Variants in RPL13 observed in about 807,000 individuals in gnomAD.
The protein encoded by RPL13 is large ribosomal subunit protein eL13.
Under a neutral mutation model 21.4 loss-of-function variants are expected in RPL13, and 1 was observed. The observed-to-expected ratio is 0.05, with a 90% confidence interval of 0.02 to 0.22. RPL13 has a LOEUF of 0.22. RPL13 is among the 10% of genes least tolerant of loss of function. RPL13 has a pLI of 1.00. For missense variants in RPL13, 289 were observed against 303.0 expected (o/e 0.95, Z 0.34); for synonymous variants, 143 against 120.5 (o/e 1.19, Z -1.23).
chr16:89,561,888 C>G, intron 4 of RPL13, 137 bp downstream of exon 4: 1 of 959,442 alleles, frequency 1.0e-6, no homozygotes, highest in Non-Finnish European at 1.5e-6. Context: ...AGCGGGACTG[C>G]TAAGGTTCAC....
intron 5 of RPL13, 83 bp downstream of exon 5, chr16:89,562,474 G>C: frequency 5.1e-6 from 7 of 1,368,188 alleles, no homozygotes; most frequent in Non-Finnish European, 6.1e-6. Flanking sequence ...GGTGATGGGG[G>C]TCAGGCTTAA....
At chr16:89,561,950 T>C (rs1277872749) in intron 4 of RPL13, 199 bp downstream of exon 4, 11 of 657,046 alleles carry the variant, frequency 1.7e-5, no homozygotes, top group Non-Finnish European at 1.5e-5. Flanking sequence ...GCTGTGTGAC[T>C]TGGAGGCAGC....
Position 89,560,752 on chromosome 16 carries a change from C to A in RPL13, c.-21+40C>A, listed in dbSNP as rs892503453. 4 of 521,326 alleles carry A rather than the reference C, an allele frequency of 7.7e-6. No homozygotes were observed. In the East Asian group the frequency reaches 1.4e-4, roughly 18 times the overall value. The allele number at this position is 521,326 out of a possible 1,614,324, so 32.3% of individuals were successfully genotyped here. A position where few individuals can be genotyped will look rare whatever the true frequency, so the allele number is the denominator to read the frequency against. ...GTCCTGGCCTTTGGGCATCATCCAG[C>A]GCCATCGGCCTGGCGCTTCAGCCAA... is the stretch of plus-strand genomic sequence containing the variant. On this transcript the variant is annotated intron_variant, in intron 1 of 5. Transcript: ENST00000311528.
intron 1 of RPL13, 70 bp from the exon 2 acceptor site, chr16:89,560,870 C>T (rs1484501597): frequency 1.3e-5 from 15 of 1,177,130 alleles, no homozygotes; most frequent in Non-Finnish European, 1.7e-5. Flanking sequence ...CTGGAGGGTT[C>T]GGGGCGGAGG....
rs2058739621 is a variant in RPL13, at chr16:89,561,048, C to T, written c.89C>T (p.Ala30Val). ...RRVATWFNQP[A>V]RKIRRRKARQ... ...GTGGCCACGTGGTTCAACCAGCCGG[C>T]CCGTAAGATCCGCAGGTGAGCCCTG... is the stretch of plus-strand genomic sequence containing the variant. Residue 30 changes from alanine (A) to valine (V), a missense_variant, in exon 2 of 6, where the codon GCC (alanine) becomes GTC (valine). Physicochemically the swap from Ala to Val is moderately conservative, Grantham distance 64. Coordinates refer to ENST00000311528, the MANE Select transcript of RPL13 (RefSeq NM_000977.4). The T allele has an allele frequency of 1.2e-6, 2 of 1,606,720 alleles. No homozygotes were observed. The highest frequency in any genetic ancestry group is 1.7e-6 in the Non-Finnish European group (2 of 1,177,994).
rs1183887002 is a variant in RPL13, at chr16:89,561,612, T to C, written c.281T>C (p.Ile94Thr). ...AGIHKKVART[I>T]GISVDPRRRN... The stretch of plus-strand genomic sequence containing the variant: ...ATTCACAAGAAGGTGGCCCGGACCA[T>C]CGGCATTTCTGTGGATCCGAGGAGG... The change falls in exon 4 of 6, where the codon ATC (isoleucine) becomes ACC (threonine). Residue 94 changes from isoleucine to threonine, a missense_variant. Physicochemically the swap from Ile to Thr is moderately conservative, Grantham distance 89. Coordinates refer to ENST00000311528, the MANE Select transcript of RPL13 (RefSeq NM_000977.4). The C allele has an allele frequency of 6.2e-7, 1 of 1,613,672 alleles. No individual in the cohort carries two copies. Among genetic ancestry groups the C allele is most frequent in the Admixed American group, 1.7e-5 (1 of 60,026 alleles).
Position 89,561,648 on chromosome 16 carries a change from C to G in RPL13, c.317C>G (p.Ser106Cys), listed in dbSNP as rs1462308989. Reference sequence around the variant, plus strand: ...GTGGATCCGAGGAGGCGGAACAAGTCCACGGAGTCCCTGCAGGCCAACGTG... The same window carrying G: ...GTGGATCCGAGGAGGCGGAACAAGTGCACGGAGTCCCTGCAGGCCAACGTG... Reference protein sequence around the residue: ...ISVDPRRRNKSTESLQANVQR... With the variant: ...ISVDPRRRNKCTESLQANVQR... The change falls in exon 4 of 6, where the codon TCC becomes TGC. Residue 106 changes from serine to cysteine, a missense_variant. Transcript: ENST00000311528. 13 of 1,613,854 alleles carry G rather than the reference C, an allele frequency of 8.1e-6. No individual in the cohort carries two copies. The highest frequency in any genetic ancestry group is 1.1e-5 in the Non-Finnish European group (13 of 1,180,036).
chr16:89,560,910 G>A lies in RPL13; in HGVS notation c.-20-30G>A, dbSNP rs2152414327. 5 of 1,520,848 alleles carry A rather than the reference G, an allele frequency of 3.3e-6. No homozygotes were observed. In the Admixed American group the frequency reaches 9.5e-5, roughly 29 times the overall value. 94.2% of individuals were successfully genotyped at this position (1,520,848 alleles called of 1,614,324 possible). A position where few individuals can be genotyped will look rare whatever the true frequency, so the allele number is the denominator to read the frequency against. ...GGGGGGTGCGCGCGCCCGGGGTCCG[G>A]CCTCTCACTCGCTCCCCTCTCGTCC... On this transcript the variant is annotated intron_variant, in intron 1 of 5. Coordinates refer to ENST00000311528, the MANE Select transcript of RPL13 (RefSeq NM_000977.4).
intron 1 of RPL13, 52 bp from the exon 2 acceptor site, chr16:89,560,888 G>A (rs920303500): frequency 6.5e-6 from 9 of 1,385,384 alleles, no homozygotes; most frequent in Non-Finnish European, 8.9e-6. Context: ...AGGCCCGGGG[G>A]GGTGCGCGCG....
rs1199173762 is a variant in RPL13 at position 89,561,644 on chromosome 16, A to G, written c.313A>G (p.Lys105Glu). The G allele has an allele frequency of 1.3e-5, 21 of 1,613,840 alleles. No homozygotes were observed. Among genetic ancestry groups the G allele is most frequent in the Non-Finnish European group, 1.8e-5 (21 of 1,180,030 alleles). The change falls in exon 4 of 6, where the codon AAG becomes GAG. Residue 105 changes from lysine (K) to glutamate (E), a missense_variant. Transcript: ENST00000311528. ...TTCTGTGGATCCGAGGAGGCGGAAC[A>G]AGTCCACGGAGTCCCTGCAGGCCAA... ...GISVDPRRRN[K>E]STESLQANVQ...
In RPL13 at chr16:89,563,108, G is replaced by T; in HGVS notation, c.*66G>T. 1 of 1,373,288 alleles carries T rather than the reference G, an allele frequency of 7.3e-7. No individual in the cohort carries two copies. The highest frequency in any genetic ancestry group is 1.7e-5 in the South Asian group (1 of 57,730). The allele number at this position is 1,373,288 out of a possible 1,614,324, so 85.1% of individuals were successfully genotyped here. On this transcript the variant is annotated 3_prime_UTR_variant, in exon 6 of 6. Transcript: ENST00000311528. The stretch of plus-strand genomic sequence containing the variant: ...GGTCTCCACGTGGTGTGTTTCGTGG[G>T]AACAACTGGGCCTGGGATGGGGCTT...
At chr16:89,561,985 TAAA>T in intron 4 of RPL13, 1 of 601,072 alleles carries the variant, frequency 1.7e-6, no homozygotes, top group East Asian at 2.8e-5. Flanking sequence ...TTGCTCTCCC[TAAA>T]ATGCTTCGTA....
chr16:89,561,535 G>A (rs1292217315), intron 3 of RPL13, 43 bp from the exon 4 acceptor site: 1 of 1,613,020 alleles, frequency 6.2e-7, no homozygotes, highest in African/African-American at 1.3e-5. Context: ...CGGGGCTGGA[G>A]AAAGCCCGGG....
rs371775201 is a variant in RPL13 at position 89,561,425 on chromosome 16, T to C, written c.246+57T>C. On this transcript the variant is annotated intron_variant, in intron 3 of 5. Coordinates refer to ENST00000311528, the MANE Select transcript of RPL13 (RefSeq NM_000977.4). The stretch of plus-strand genomic sequence containing the variant: ...GGCCCCGAAGTCCCCTCTGTTGGCC[T>C]CAGTCGCGTGATGACATTCTCCGGA... The C allele has an allele frequency of 7.6e-4, 1,218 of 1,612,688 alleles. 1 individual carries two copies. Among genetic ancestry groups the C allele is most frequent in the Non-Finnish European group, 9.0e-4 (1,066 of 1,179,946 alleles).
At chr16:89,566,336 T>TCGGGGATAGTCTCAGAAGGC (rs1488433199), downstream of RPL13, 38 of 151,958 alleles carry the variant, frequency 2.5e-4, no homozygotes, top group East Asian at 7.7e-4. Flanking sequence ...GCCTCGGTGA[T>TCGGGGATAGTCTCAGAAGGC]GCACCGTTTC....
At chr16:89,562,286 C>T (rs2152414718) in intron 4 of RPL13, 49 bp from the exon 5 acceptor site, 1 of 1,593,158 alleles carries the variant, frequency 6.3e-7, no homozygotes, top group East Asian at 2.2e-5. Flanking sequence ...GGGTGGAGTC[C>T]TTGCAGCAGT....
intron 5 of RPL13, chr16:89,562,640 T>A (rs1393825804): frequency 3.5e-6 from 2 of 575,216 alleles, no homozygotes; most frequent in South Asian, 2.5e-5. Context: ...TTCTCTATGC[T>A]GCTTACATTG....
chr16:89,566,007 T>A (rs917097661), downstream of RPL13: 1 of 152,264 alleles, frequency 6.6e-6, no homozygotes, highest in Non-Finnish European at 1.5e-5. Flanking sequence ...TTTGCAGGAT[T>A]CCTTCGGGGT....
At chr16:89,562,554 C>T (rs755328498) in intron 5 of RPL13, 163 bp downstream of exon 5, 104 of 653,326 alleles carry the variant, frequency 1.6e-4, no homozygotes, top group Middle Eastern at 1.2e-3. Context: ...GTTTTTACTT[C>T]TTGCAACCAT....
Sources: allele counts gnomAD v4.1 joint callset, GRCh38; gene constraint gnomAD v4.1.1; transcripts MANE v1.5; gene names NCBI Gene and HGNC (gene_info 2026-07-23, HGNC 2026-07-21).